SIMC1: variants seen among roughly 807,000 people sequenced by gnomAD.
The protein encoded by SIMC1 is SUMO-interacting motif-containing protein 1.
SIMC1 carries 55 observed loss-of-function variants against 82.3 expected under a neutral mutation model. The ratio of observed to expected loss-of-function variants is 0.67; its 90% CI spans 0.54 to 0.84. SIMC1 has a LOEUF of 0.84. SIMC1 is among the 40% of genes least tolerant of loss of function. SIMC1 has a pLI of 0.00. For missense variants in SIMC1, 915 were observed against 1,107.2 expected, an observed-to-expected ratio of 0.83 and a Z score of 2.46; for synonymous variants, 353 against 426.3, an observed-to-expected ratio of 0.83 and a Z score of 2.12.
chr5:176,274,444 A>G (rs1484576154), intron 1 of SIMC1, among the ~76,000 whole-genome samples: 13 of 151,534 alleles, frequency 8.6e-5, no homozygotes, highest in Admixed American at 7.2e-4. Context: ...ATTTTCTCCA[A>G]TTTTGTGGGT....
chr5:176,262,444 C>T (rs1256609215), intron 1 of SIMC1, among the ~76,000 whole-genome samples: 2 of 151,856 alleles, frequency 1.3e-5, no homozygotes, highest in Admixed American at 1.3e-4. Flanking sequence ...GATGTCTCCT[C>T]ACTACTCCTT....
intron 1 of SIMC1, among the ~76,000 whole-genome samples, chr5:176,258,789 C>T (rs545598120): frequency 3.3e-5 from 5 of 151,988 alleles, no homozygotes; most frequent in East Asian, 3.9e-4. Context: ...AAATCAAGTT[C>T]AGCTTCCTTG....
intron 1 of SIMC1, among the ~76,000 whole-genome samples, chr5:176,283,850 AC>A (rs1395529592): frequency 1.3e-5 from 2 of 152,214 alleles, no homozygotes; most frequent in Non-Finnish European, 2.9e-5. Flanking sequence ...CAAATGGAAA[AC>A]AAAAAAAGGC....
At chr5:176,262,145 A>G (rs1235753712) in intron 1 of SIMC1, among the ~76,000 whole-genome samples, 3 of 151,780 alleles carry the variant, frequency 2.0e-5, no homozygotes, top group African/African-American at 4.8e-5. Flanking sequence ...TCTCCCAGGT[A>G]TGCAAGGTCA....
intron 1 of SIMC1, among the ~76,000 whole-genome samples, chr5:176,242,950 TG>T (rs1761320107): frequency 6.6e-6 from 1 of 152,108 alleles, no homozygotes; most frequent in Non-Finnish European, 1.5e-5. Flanking sequence ...ACGGTATTTT[TG>T]TTCTTTTAAT....
chr5:176,335,089 T>A (rs990055855), intron 7 of SIMC1, among the ~76,000 whole-genome samples: 1 of 150,606 alleles, frequency 6.6e-6, no homozygotes, highest in Admixed American at 6.6e-5. Flanking sequence ...AGAGCGAAAC[T>A]CTGTCTCAAA....
chr5:176,344,478 CA>C (rs1766319106), intron 9 of SIMC1, among the ~76,000 whole-genome samples: 1 of 96,260 alleles, frequency 1.0e-5, no homozygotes, highest in Non-Finnish European at 2.3e-5. Context: ...TACACACACA[CA>C]CACACACACA....
intron 2 of SIMC1, among the ~76,000 whole-genome samples, chr5:176,294,110 G>C (rs1763701366): frequency 6.6e-6 from 1 of 152,040 alleles, no homozygotes; most frequent in Non-Finnish European, 1.5e-5. Flanking sequence ...TAAGTCTCTA[G>C]TTACCCTCAC....
At chr5:176,243,849 C>T (rs886497954) in intron 1 of SIMC1, among the ~76,000 whole-genome samples, 1 of 149,370 alleles carries the variant, frequency 6.7e-6, no homozygotes, top group Non-Finnish European at 1.5e-5. Context: ...ATGACTTTAG[C>T]TACTGTGAAA....
At chr5:176,331,318 C>T (rs1006051997) in intron 7 of SIMC1, among the ~76,000 whole-genome samples, 4 of 151,078 alleles carry the variant, frequency 2.6e-5, no homozygotes, top group African/African-American at 7.3e-5. Context: ...TGCAGTGAGC[C>T]GCGATCGCGC....
intron 5 of SIMC1, among the ~76,000 whole-genome samples, chr5:176,320,785 T>A (rs1173163640): frequency 6.6e-6 from 1 of 152,082 alleles, no homozygotes; most frequent in Admixed American, 6.6e-5. Flanking sequence ...ATAGGATAGC[T>A]CTTCTCTGCT....
intron 4 of SIMC1, chr5:176,308,036 T>C: frequency 1.5e-6 from 1 of 685,140 alleles, no homozygotes; most frequent in South Asian, 1.6e-5. Context: ...TACTATTTAG[T>C]AATTAAAAGC....
At chr5:176,249,637 G>A (rs1182173542) in intron 1 of SIMC1, among the ~76,000 whole-genome samples, 2 of 151,734 alleles carry the variant, frequency 1.3e-5, no homozygotes, top group African/African-American at 4.8e-5. Flanking sequence ...TCAGGAGATC[G>A]AGACCATCCT....
rs1284847401 is a variant in SIMC1 at position 176,285,674 on chromosome 5, A to G, written c.130-3980A>G. ...AGGAGAAGGAAATAAAGGGTATTCA[A>G]TTAGGAAAAGAGGAAGTCAAATTGT... On this transcript the variant is annotated intron_variant, in intron 1 of 9. Coordinates refer to ENST00000429602, the MANE Select transcript of SIMC1 (RefSeq NM_001308195.2). Among the ~76,000 whole-genome samples the G allele has an allele frequency of 3.3e-4, 50 of 152,074 alleles. 1 individual carries two copies. Among genetic ancestry groups the G allele is most frequent in the East Asian group, 2.3e-3 (12 of 5,176 alleles).
chr5:176,260,117 C>T (rs1761967436), intron 1 of SIMC1, among the ~76,000 whole-genome samples: 1 of 151,928 alleles, frequency 6.6e-6, no homozygotes, highest in Admixed American at 6.6e-5. Context: ...ATGGTATTCC[C>T]AGTGCACAAC....
chr5:176,322,616 C>T lies in SIMC1; in HGVS notation c.2042+191C>T, dbSNP rs931466648. 6.0e-6 allele frequency: 4 copies of T among 663,028 alleles called. No homozygotes were observed. The African/African-American group carries it at 7.2e-5, about 12-fold the overall frequency. The allele number at this position is 663,028 out of a possible 1,614,324, so 41.1% of individuals were successfully genotyped here. A position where few individuals can be genotyped will look rare whatever the true frequency, so the allele number is the denominator to read the frequency against. On this transcript the variant is annotated intron_variant, in intron 6 of 9. Coordinates refer to ENST00000429602, the MANE Select transcript of SIMC1 (RefSeq NM_001308195.2). ...AAGGCAGAACAAAACCAGGTGCTTT[C>T]ACCCCTAAAATGAATAGGACTTCAC...
intron 7 of SIMC1, among the ~76,000 whole-genome samples, chr5:176,326,643 C>T (rs111238564): frequency 3.3e-5 from 5 of 152,278 alleles, no homozygotes; most frequent in African/African-American, 9.6e-5. Context: ...CAGCTCACTG[C>T]AATCTTTGCC....
chr5:176,308,304 C>A, intron 4 of SIMC1: 4 of 1,461,942 alleles, frequency 2.7e-6, no homozygotes, highest in Non-Finnish European at 3.8e-6. Context: ...ATCATCTTAA[C>A]GACGTTCTGA....
chr5:176,309,934 CAAAA>C (rs3067018), intron 4 of SIMC1, among the ~76,000 whole-genome samples: 1 of 150,894 alleles, frequency 6.6e-6, no homozygotes, highest in African/African-American at 2.4e-5. Context: ...GGCCTTGTCT[CAAAA>C]AAAAGGCCAC....
Sources: allele counts gnomAD v4.1 joint callset (sites outside exome capture counted in the v4.1 genomes callset), GRCh38; gene constraint gnomAD v4.1.1; transcripts MANE v1.5; gene names NCBI Gene and HGNC (gene_info 2026-07-23, HGNC 2026-07-21).